Variants in PAOX observed in about 807,000 individuals in gnomAD.
The protein encoded by PAOX is polyamine oxidase.
Under a neutral mutation model 39.0 loss-of-function variants are expected in PAOX, and 38 were observed. The ratio of observed to expected loss-of-function variants is 0.97; its 90% confidence interval spans 0.75 to 1.28. The LOEUF is 1.28. Ranked by LOEUF, PAOX falls within the 50% of genes most tolerant of loss-of-function variation. The pLI is 0.00. For synonymous variants in PAOX, 311 were observed against 314.4 expected (o/e 0.99, Z 0.11); for missense variants, 667 against 685.7 (o/e 0.97, Z 0.30).
chr10:133,381,950 C>T (rs550225315), intron 3 of PAOX, among the ~76,000 whole-genome samples: 1 of 151,662 alleles, frequency 6.6e-6, no homozygotes, highest in East Asian at 2.0e-4. Context: ...CACTTTGCTG[C>T]AGACAGGAAA....
chr10:133,382,200 CAT>C (rs1849405459), intron 3 of PAOX, among the ~76,000 whole-genome samples: 1 of 152,184 alleles, frequency 6.6e-6, no homozygotes, highest in South Asian at 2.1e-4. Context: ...TGAGTTATCT[CAT>C]TGACTCAGGC....
chr10:133,390,964 C>T (rs1033529251), intron 6 of PAOX: 13 of 701,834 alleles, frequency 1.9e-5, no homozygotes, highest in African/African-American at 1.4e-4. Context: ...TTGGTGGATG[C>T]GTGTGAGCCG....
intron 4 of PAOX, among the ~76,000 whole-genome samples, chr10:133,385,957 T>A (rs986133426): frequency 2.0e-5 from 3 of 152,060 alleles, no homozygotes; most frequent in Non-Finnish European, 4.4e-5. Flanking sequence ...ATAACATTTT[T>A]AAATGAATAT....
At position 133,380,114 on chromosome 10, in the gene PAOX, C is replaced by G; in HGVS notation, c.297C>G (p.Asn99Lys). ...GGGAGAAGGAGCTGTCCCAGGAGAA[C>G]CAGCTGGTGGAGACCGGGGGTCACG... The part of the protein sequence containing the change: ...LLGEKELSQE[N>K]QLVETGGHVG... Residue 99 changes from asparagine to lysine, a missense_variant, in exon 2 of 7, where the codon AAC becomes AAG. By Grantham distance (94) the Asn-to-Lys change is moderately conservative. Coordinates refer to ENST00000278060, the MANE Select transcript of PAOX (RefSeq NM_152911.4). 2 of 1,571,202 alleles carry G rather than the reference C, an allele frequency of 1.3e-6. No individual in the cohort carries two copies. Among genetic ancestry groups the G allele is most frequent in the Non-Finnish European group, 1.7e-6 (2 of 1,158,232 alleles).
At chr10:133,387,779 G>A (rs948102462) in intron 4 of PAOX, among the ~76,000 whole-genome samples, 28 of 152,178 alleles carry the variant, frequency 1.8e-4, no homozygotes, top group African/African-American at 5.8e-4. Flanking sequence ...GGAGAGCAGT[G>A]GCGCGATCTT....
Position 133,381,648 on chromosome 10 carries a change from C to T in PAOX, c.857C>T (p.Thr286Ile), listed in dbSNP as rs1446658095. The part of the protein sequence containing the change: ...DRFPAHHVIV[T>I]VPLGFLREHL... ...TTCCCGGCGCACCATGTCATCGTCA[C>T]CGTGCCCTTAGGTAGGTCAGGTTTT... The change falls in exon 3 of 7, where the codon ACC becomes ATC. Residue 286 changes from threonine (T) to isoleucine (I), a missense_variant. By Grantham distance (89) the Thr-to-Ile change is moderately conservative. Transcript: ENST00000278060. The T allele has an allele frequency of 6.2e-7, 1 of 1,613,032 alleles. No individual in the cohort carries two copies. Among genetic ancestry groups the T allele is most frequent in the Admixed American group, 1.7e-5 (1 of 59,988 alleles).
chr10:133,379,919 T>C, intron 1 of PAOX, 80 bp from the exon 2 acceptor site: 1 of 1,486,064 alleles, frequency 6.7e-7, no homozygotes, highest in South Asian at 1.4e-5. Flanking sequence ...AAGGCCAGCG[T>C]GGGCGTGGCC....
At chr10:133,382,458 C>T (rs770807537) in intron 3 of PAOX, among the ~76,000 whole-genome samples, 42 of 152,178 alleles carry the variant, frequency 2.8e-4, no homozygotes, top group South Asian at 2.1e-4. Flanking sequence ...ATTGCTGTTT[C>T]CCAGAGATGC....
Position 133,384,302 on chromosome 10 carries a change from G to T in PAOX, c.1121+90G>T, listed in dbSNP as rs144939656. On this transcript the variant is annotated intron_variant, in intron 4 of 6. Transcript: ENST00000278060. The surrounding 1 kb of genome is among the most constrained non-coding windows in gnomAD (Gnocchi z 4.3). The stretch of plus-strand genomic sequence containing the variant: ...GCAGCAGTGTGTCTGTTCACTGCAG[G>T]GTATTTCTAGGGGGTTTAATGGGTA... 46 of 1,530,608 alleles carry T rather than the reference G, an allele frequency of 3.0e-5. No homozygotes were observed. The African/African-American group carries it at 6.0e-4, about 20-fold the overall frequency. The allele number at this position is 1,530,608 out of a possible 1,614,324, so 94.8% of individuals were successfully genotyped here.
At chr10:133,379,695 G>A in intron 1 of PAOX, 198 bp downstream of exon 1, 1 of 562,850 alleles carries the variant, frequency 1.8e-6, no homozygotes, top group East Asian at 3.3e-5. Context: ...CGCCGGCCAG[G>A]GAAGGCGACC....
chr10:133,387,963 C>T (rs571765595), intron 4 of PAOX, among the ~76,000 whole-genome samples: 9 of 152,216 alleles, frequency 5.9e-5, no homozygotes, highest in East Asian at 3.9e-4. Flanking sequence ...GTGATCCGCC[C>T]GCCTTGGCCT....
intron 6 of PAOX, among the ~76,000 whole-genome samples, chr10:133,390,341 G>C (rs1287109839): frequency 1.3e-5 from 2 of 152,060 alleles, no homozygotes; most frequent in African/African-American, 4.8e-5. Context: ...GCTTTGGGAG[G>C]CCTAGGCAGG....
Position 133,380,234 on chromosome 10 carries a change from C to A in PAOX, c.417C>A (p.Asp139Glu), listed in dbSNP as rs917191618. The A allele has an allele frequency of 1.9e-6, 3 of 1,612,768 alleles. No individual in the cohort carries two copies. The highest frequency in any genetic ancestry group is 2.5e-6 in the Non-Finnish European group (3 of 1,180,032). The change falls in exon 2 of 7, where the codon GAC becomes GAA. Residue 139 changes from aspartate (D) to glutamate (E), a missense_variant. Coordinates refer to ENST00000278060, the MANE Select transcript of PAOX (RefSeq NM_152911.4). Reference protein sequence around the residue: ...EMATLFYGLIDQTREFLHAAE... With the variant: ...EMATLFYGLIEQTREFLHAAE... ...CGACTCTGTTCTACGGCCTGATAGA[C>A]CAGACCCGGGAGTTCCTGCACGCTG...
At chr10:133,386,449 A>G (rs1193839307) in intron 4 of PAOX, among the ~76,000 whole-genome samples, 1 of 152,186 alleles carries the variant, frequency 6.6e-6, no homozygotes, top group Non-Finnish European at 1.5e-5. Flanking sequence ...GTGGATCTAC[A>G]TGGATATGTG....
In PAOX at chr10:133,391,612, T is replaced by G. The variant is rs1006359674; in HGVS notation, c.*157T>G. On this transcript the variant is annotated 3_prime_UTR_variant, in exon 7 of 7. Transcript: ENST00000278060. ...ACCTTCTCAGTTCTTGTGTCTGTTA[T>G]TGGAGTCTGGCCAGGGTTGACTTGA... 1 of 1,201,282 alleles carries G rather than the reference T, an allele frequency of 8.3e-7. No homozygotes were observed. Among genetic ancestry groups the G allele is most frequent in the Non-Finnish European group, 1.1e-6 (1 of 878,162 alleles). The allele number at this position is 1,201,282 out of a possible 1,614,324, so 74.4% of individuals were successfully genotyped here.
Position 133,380,126 on chromosome 10 carries a change from GA to G in PAOX, c.310del (p.Thr104ProfsTer10), listed in dbSNP as rs1445163757. ...TGTCCCAGGAGAACCAGCTGGTGGAGACCGGGGGTCACGTGGGCCTGCCCTC... is the reference window on the plus strand; with the variant it reads ...TGTCCCAGGAGAACCAGCTGGTGGAGCCGGGGGTCACGTGGGCCTGCCCTC... Reference protein sequence around the residue: ...ELSQENQLVETGGHVGLPSVS... With the variant: ...ELSQENQLVEXGGHVGLPSVS... On this transcript the variant is annotated frameshift_variant, in exon 2 of 7. Transcript: ENST00000278060. LOFTEE classifies it high-confidence loss of function. 2 of 1,583,124 alleles carry G rather than the reference GA, an allele frequency of 1.3e-6. No individual in the cohort carries two copies. The highest frequency in any genetic ancestry group is 1.7e-6 in the Non-Finnish European group (2 of 1,163,694).
intron 4 of PAOX, among the ~76,000 whole-genome samples, chr10:133,388,709 C>T (rs773941800): frequency 3.3e-5 from 5 of 152,206 alleles, no homozygotes; most frequent in Non-Finnish European, 7.3e-5. Context: ...CCACACTCTG[C>T]GAACTGCTGC....
At position 133,384,090 on chromosome 10, in the gene PAOX, G is replaced by A. The variant is rs752950266; in HGVS notation, c.999G>A (p.Glu333=). The change falls in exon 4 of 7, where the codon GAG becomes GAA. Residue 333 remains glutamate (E), a synonymous_variant. Transcript: ENST00000278060. The surrounding 1 kb of genome is among the most constrained non-coding windows in gnomAD (Gnocchi z 4.3). ...IFLEFEEPFW[E]PDCQLIQLVW... ...TGGAGTTTGAGGAGCCCTTCTGGGA[G>A]CCAGACTGCCAGCTGATCCAGCTGG... The A allele has an allele frequency of 1.9e-6, 3 of 1,614,220 alleles. No homozygotes were observed. Among genetic ancestry groups the A allele is most frequent in the East Asian group, 2.2e-5 (1 of 44,884 alleles).
intron 2 of PAOX, 67 bp from the exon 3 acceptor site, chr10:133,381,393 G>C (rs916634321): frequency 6.7e-7 from 1 of 1,495,236 alleles, no homozygotes; most frequent in Non-Finnish European, 9.3e-7. Context: ...CTCAGAGCAC[G>C]TATTTCCACC....
Sources: gnomAD v4.1 joint callset for allele counts (sites outside exome capture counted in the v4.1 genomes callset) on GRCh38, gnomAD v4.1.1 for gene constraint, Gnocchi (gnomAD v3.1) non-coding constraint, MANE v1.5 for transcripts, NCBI Gene and HGNC (gene_info 2026-07-23, HGNC 2026-07-21) for gene names.